The following LUC7L variants were observed in gnomAD, a reference collection of about 807,000 sequenced individuals.
The protein encoded by LUC7L is putative RNA-binding protein Luc7-like 1.
LUC7L carries 29 observed loss-of-function variants against 51.1 expected under a neutral mutation model. The observed-to-expected ratio is 0.57, with a 90% CI of 0.42 to 0.77. The LOEUF is 0.77. LUC7L is among the 30% of genes least tolerant of loss of function. LUC7L has a pLI of 0.00. For missense variants in LUC7L, 403 were observed against 511.9 expected (o/e 0.79, Z 2.05); for synonymous variants, 181 against 180.7 (o/e 1.00, Z -0.01).
chr16:202,503 C>A (rs1346708537), intron 5 of LUC7L, among the ~76,000 whole-genome samples: 1 of 152,120 alleles, frequency 6.6e-6, no homozygotes, highest in Non-Finnish European at 1.5e-5. Flanking sequence ...TGTTTACGTA[C>A]ACAAATATTT....
intron 5 of LUC7L, among the ~76,000 whole-genome samples, chr16:201,734 AG>A (rs2049338395): frequency 9.0e-6 from 1 of 111,476 alleles, no homozygotes; most frequent in Non-Finnish European, 1.8e-5. Flanking sequence ...CCACCGCACC[AG>A]GCTTTTTTTT....
At chr16:215,736 G>C (rs1279546651) in intron 3 of LUC7L, among the ~76,000 whole-genome samples, 1 of 152,036 alleles carries the variant, frequency 6.6e-6, no homozygotes, top group East Asian at 1.9e-4. Flanking sequence ...CGGGAAGGCA[G>C]AGATGGCAGT....
At chr16:223,145 G>A (rs780669332) in intron 2 of LUC7L, among the ~76,000 whole-genome samples, 2 of 151,078 alleles carry the variant, frequency 1.3e-5, no homozygotes, top group Non-Finnish European at 3.0e-5. Flanking sequence ...GGATCACGAG[G>A]TCAGGAGATC....
rs74429086 is a variant in LUC7L, at chr16:196,431, A to C, written c.687+2631T>G. Among the ~76,000 whole-genome samples the C allele has an allele frequency of 2.7e-3, 410 of 151,706 alleles. 5 individuals carry two copies. In the East Asian group the frequency reaches 0.032, roughly 12 times the overall value. The stretch of plus-strand genomic sequence containing the variant: ...TCAAACAAACAAACAAACAAACAAA[A>C]AAAACCCAACAACTACAGTAGGACA... On this transcript the variant is annotated intron_variant, in intron 6 of 9. Coordinates refer to ENST00000293872, the MANE Select transcript of LUC7L (RefSeq NM_201412.3).
At chr16:219,416 TA>T (rs1466192288) in intron 3 of LUC7L, among the ~76,000 whole-genome samples, 1 of 151,886 alleles carries the variant, frequency 6.6e-6, no homozygotes, top group Non-Finnish European at 1.5e-5. Context: ...AAAATTAAAA[TA>T]AATTAAATAA....
At chr16:199,925 G>A (rs1290339180) in intron 5 of LUC7L, among the ~76,000 whole-genome samples, 1 of 151,736 alleles carries the variant, frequency 6.6e-6, no homozygotes, top group African/African-American at 2.4e-5. Context: ...GGGAAGCGGA[G>A]GTTGCAGTGA....
rs563538832 is a variant in LUC7L, at chr16:196,114, ATAC to A, written c.687+2945_687+2947del. Among the ~76,000 whole-genome samples the A allele has an allele frequency of 1.4e-3, 218 of 152,140 alleles. 1 individual carries two copies. Among genetic ancestry groups the A allele is most frequent in the African/African-American group, 5.1e-3 (210 of 41,478 alleles). On this transcript the variant is annotated intron_variant, in intron 6 of 9. Coordinates refer to ENST00000293872, the MANE Select transcript of LUC7L (RefSeq NM_201412.3). ...AAAGATTGCAGATATTAAAAAAAAA[ATAC>A]TACATTAGGGCCAAGCACTGTGGCC...
rs1325956709 is a variant in LUC7L, at chr16:227,795, A to G, written c.62-459T>C. On this transcript the variant is annotated intron_variant, in intron 1 of 9. Coordinates refer to ENST00000293872, the MANE Select transcript of LUC7L (RefSeq NM_201412.3). The stretch of plus-strand genomic sequence containing the variant: ...GCAGTATTTTGCCCAAAATTGAATG[A>G]AGAAGAAAGCTTTCAAACTCTATCG... The G allele has an allele frequency of 5.0e-6, 5 of 998,860 alleles. No individual in the cohort carries two copies. In the African/African-American group the frequency reaches 8.7e-5, roughly 17 times the overall value. The allele number at this position is 998,860 out of a possible 1,614,324, so 61.9% of individuals were successfully genotyped here.
At position 210,406 on chromosome 16, in the gene LUC7L, A is replaced by C. The variant is rs557818352; in HGVS notation, c.256-2218T>G. 4.5e-4 allele frequency among the ~76,000 whole-genome samples: 68 copies of C among 152,316 alleles called. 1 individual carries two copies. The South Asian group carries it at 0.012, about 28-fold the overall frequency. ...ATCCGGCATTTGACTGCTTCTATGC[A>C]CCTGTACACTGGACTTTCTGGAAAG... is the stretch of plus-strand genomic sequence containing the variant. On this transcript the variant is annotated intron_variant, in intron 3 of 9. Coordinates refer to ENST00000293872, the MANE Select transcript of LUC7L (RefSeq NM_201412.3).
intron 3 of LUC7L, among the ~76,000 whole-genome samples, chr16:214,600 C>G (rs2049735158): frequency 1.3e-5 from 2 of 152,166 alleles, no homozygotes; most frequent in Admixed American, 6.5e-5. Flanking sequence ...AAGCACAGCT[C>G]ACTTCAGCCT....
rs1596585659 is a variant in LUC7L at position 189,804 on chromosome 16, C to T, written c.974+164G>A. The T allele has an allele frequency of 8.4e-6, 12 of 1,433,730 alleles. No individual in the cohort carries two copies. In the East Asian group the frequency reaches 3.0e-4, roughly 36 times the overall value. The allele number at this position is 1,433,730 out of a possible 1,614,324, so 88.8% of individuals were successfully genotyped here. A position where few individuals can be genotyped will look rare whatever the true frequency, so the allele number is the denominator to read the frequency against. ...GGCGCCGTGCGAGCTCCTCCACAGC[C>T]CTCTCGCCTCTTCCCACACCTGAGT... On this transcript the variant is annotated intron_variant, in intron 9 of 9. Transcript: ENST00000293872.
At chr16:228,219 T>C in intron 1 of LUC7L, 3 of 1,295,000 alleles carry the variant, frequency 2.3e-6, no homozygotes, top group Non-Finnish European at 2.0e-6. Flanking sequence ...CCAGGATTAA[T>C]GTAGTGTCTT....
At chr16:202,255 C>T (rs2049355379) in intron 5 of LUC7L, among the ~76,000 whole-genome samples, 2 of 151,900 alleles carry the variant, frequency 1.3e-5, no homozygotes, top group Non-Finnish European at 2.9e-5. Context: ...AGGAGTGAGA[C>T]AGAGAGAAGG....
chr16:218,612 T>G (rs1018736754), intron 3 of LUC7L, among the ~76,000 whole-genome samples: 1 of 151,746 alleles, frequency 6.6e-6, no homozygotes, highest in African/African-American at 2.4e-5. Flanking sequence ...TCTCAGCTAC[T>G]TGGGAGGCTG....
intron 1 of LUC7L, chr16:227,697 T>C: frequency 4.8e-6 from 5 of 1,039,530 alleles, no homozygotes; most frequent in Non-Finnish European, 5.8e-6. Flanking sequence ...CAAGGGTGAC[T>C]TATAGAGCTG....
intron 2 of LUC7L, among the ~76,000 whole-genome samples, chr16:225,421 G>C (rs2142122317): frequency 6.6e-6 from 1 of 151,336 alleles, no homozygotes; most frequent in East Asian, 2.0e-4. Flanking sequence ...GGGAGGCAGA[G>C]GTTGCGGTGA....
At chr16:200,473 G>A (rs111963887) in intron 5 of LUC7L, among the ~76,000 whole-genome samples, 4 of 151,162 alleles carry the variant, frequency 2.6e-5, no homozygotes, top group African/African-American at 9.7e-5. Context: ...AGCTACTGGA[G>A]AGGCTGAGGC....
chr16:203,532 C>T (rs1157182184), intron 5 of LUC7L, among the ~76,000 whole-genome samples: 1 of 151,966 alleles, frequency 6.6e-6, no homozygotes, highest in African/African-American at 2.4e-5. Context: ...CATGGCGAAA[C>T]CCAGTCTCTC....
intron 3 of LUC7L, among the ~76,000 whole-genome samples, chr16:214,752 C>A (rs771732442): frequency 6.6e-6 from 1 of 152,148 alleles, no homozygotes; most frequent in Non-Finnish European, 1.5e-5. Context: ...TAGTCTCCAA[C>A]TGGGCTCATG....
Sources: allele counts gnomAD v4.1 joint callset (sites outside exome capture counted in the v4.1 genomes callset), GRCh38; gene constraint gnomAD v4.1.1; transcripts MANE v1.5; gene names NCBI Gene and HGNC (gene_info 2026-07-23, HGNC 2026-07-21).